Variants in NRXN1 observed in about 807,000 individuals in gnomAD.
The protein encoded by NRXN1 is neurexin 1, also known as neurexin-1.
A neutral mutation model predicts 150.9 loss-of-function variants in NRXN1; 39 were observed. The ratio of observed to expected loss-of-function variants is 0.26; its 90% CI spans 0.20 to 0.34. The LOEUF (loss-of-function observed/expected upper bound fraction) is 0.34, where lower values mean the gene tolerates loss of function less well. NRXN1 is among the 10% of genes least tolerant of loss of function. The pLI, the probability that NRXN1 is intolerant of heterozygous loss-of-function variation, is 1.00. For missense variants in NRXN1, 1,815 were observed against 1,949.9 expected, an observed-to-expected ratio of 0.93 and a Z score of 1.30; for synonymous variants, 924 against 757.0, an observed-to-expected ratio of 1.22 and a Z score of -3.62.
intron 18 of NRXN1, among the ~76,000 whole-genome samples, chr2:50,209,798 G>A (rs1290799606): frequency 1.3e-5 from 2 of 151,858 alleles, no homozygotes; most frequent in African/African-American, 2.4e-5. Context: ...TACACTTGTT[G>A]CAATAAAAAA....
intron 5 of NRXN1, among the ~76,000 whole-genome samples, chr2:50,763,258 A>T (rs1225918859): frequency 2.6e-5 from 4 of 151,636 alleles, no homozygotes; most frequent in Non-Finnish European, 5.9e-5. Context: ...AGTCCCAAAC[A>T]CTCTTTGGAC....
chr2:50,395,005 C>A (rs1161640754), intron 17 of NRXN1, among the ~76,000 whole-genome samples: 1 of 151,846 alleles, frequency 6.6e-6, no homozygotes, highest in Non-Finnish European at 1.5e-5. Flanking sequence ...TCAAAGAAGC[C>A]TCTCATAATT....
chr2:50,910,649 T>C (rs1460506459), intron 5 of NRXN1, among the ~76,000 whole-genome samples: 1 of 151,946 alleles, frequency 6.6e-6, no homozygotes, highest in African/African-American at 2.4e-5. Flanking sequence ...CAACAGTGAC[T>C]GACCAATAAT....
intron 17 of NRXN1, among the ~76,000 whole-genome samples, chr2:50,408,393 C>T (rs2082903686): frequency 6.6e-6 from 1 of 152,140 alleles, no homozygotes; most frequent in African/African-American, 2.4e-5. Context: ...TTCATTTTGC[C>T]AGTGAGGGAA....
chr2:50,614,663 T>TA (rs200940287), intron 8 of NRXN1, among the ~76,000 whole-genome samples: 13,578 of 75,832 alleles, frequency 0.18, 750 homozygotes, highest in Admixed American at 0.22. Flanking sequence ...ATATATAAAA[T>TA]AAAAAAAAAA....
intron 15 of NRXN1, among the ~76,000 whole-genome samples, chr2:50,474,839 C>CCCAAAAAAA (rs1558795095): frequency 2.8e-5 from 3 of 108,848 alleles, no homozygotes; most frequent in Non-Finnish European, 3.7e-5. Context: ...GCCCCCCTAC[C>CCCAAAAAAA]AAAAAAAAAA....
rs796892350 is a variant in NRXN1, at chr2:50,689,854, TTGTGTGTGTGTGTGTG to T, written c.833-66255_833-66240del. Among the ~76,000 whole-genome samples, 33 of 135,342 alleles carry T rather than the reference TTGTGTGTGTGTGTGTG, an allele frequency of 2.4e-4. No individual in the cohort carries two copies. In the East Asian group the frequency reaches 3.1e-3, roughly 13 times the overall value. The allele number at this position is 135,342 out of a possible 152,430, so 88.8% of individuals were successfully genotyped here. ...CATCAGCTTGTTTTTTTTTGCTTAT[TTGTGTGTGTGTGTGTG>T]TGTGTGTGTGTGTGTGTGTGTGTGT... On this transcript the variant is annotated intron_variant, in intron 5 of 22. Coordinates refer to ENST00000401669, the MANE Select transcript of NRXN1 (RefSeq NM_001330078.2).
At chr2:50,786,069 A>G (rs1256647393) in intron 5 of NRXN1, among the ~76,000 whole-genome samples, 2 of 152,110 alleles carry the variant, frequency 1.3e-5, no homozygotes, top group South Asian at 2.1e-4. Flanking sequence ...TGTCAGGATG[A>G]GCAGAATGCA....
chr2:50,676,482 T>C (rs1489019976), intron 5 of NRXN1, among the ~76,000 whole-genome samples: 6 of 152,308 alleles, frequency 3.9e-5, no homozygotes, highest in East Asian at 1.9e-4. Context: ...ATACTAGCTA[T>C]GTGAAATTGG....
intron 22 of NRXN1, among the ~76,000 whole-genome samples, chr2:49,937,419 A>G (rs990861771): frequency 2.6e-5 from 4 of 152,222 alleles, no homozygotes; most frequent in African/African-American, 9.6e-5. Context: ...TTATTCTGAC[A>G]TTACTGCCTT....
chr2:50,222,914 G>C (rs368731073), intron 18 of NRXN1, among the ~76,000 whole-genome samples: 4 of 151,848 alleles, frequency 2.6e-5, no homozygotes, highest in South Asian at 2.1e-4. Flanking sequence ...AAAAAAGTGG[G>C]TATATTATAT....
rs1688018984 is a variant in NRXN1 at position 50,024,644 on chromosome 2, T to C, written c.4128+28627A>G. On this transcript the variant is annotated intron_variant, in intron 21 of 22. Transcript: ENST00000401669. ...TCTTTTTTTTTTTGGAGACGAAGTC[T>C]GGCTCTTTTGCCCAGGCTGGAGTGC... Among the ~76,000 whole-genome samples, 3 of 152,060 alleles carry C rather than the reference T, an allele frequency of 2.0e-5. No homozygotes were observed. The South Asian group carries it at 6.2e-4, about 32-fold the overall frequency.
chr2:50,147,079 T>G (rs1708114083), intron 18 of NRXN1, among the ~76,000 whole-genome samples: 1 of 151,792 alleles, frequency 6.6e-6, no homozygotes, highest in Non-Finnish European at 1.5e-5. Context: ...TGGTGGGTCC[T>G]CTATAATAGT....
chr2:50,621,318 T>C, intron 6 of NRXN1, 69 bp from the exon 7 acceptor site: 1 of 1,200,778 alleles, frequency 8.3e-7, no homozygotes, highest in South Asian at 1.3e-5. Flanking sequence ...ACTTAAAAAA[T>C]ATGATGGTCT....
chr2:50,797,809 T>C (rs1423406491), intron 5 of NRXN1, among the ~76,000 whole-genome samples: 1 of 152,206 alleles, frequency 6.6e-6, no homozygotes, highest in African/African-American at 2.4e-5. Flanking sequence ...TTCCCATTAG[T>C]TCAAATATAT....
At chr2:50,472,018 TCAAAAACAAAAA>T (rs923630012) in intron 16 of NRXN1, among the ~76,000 whole-genome samples, 9 of 148,638 alleles carry the variant, frequency 6.1e-5, no homozygotes, top group Non-Finnish European at 5.9e-5. Flanking sequence ...ACTACATAGC[TCAAAAACAAAAA>T]CAAAAACAAA....
intron 19 of NRXN1, among the ~76,000 whole-genome samples, chr2:50,061,238 T>A (rs1304886219): frequency 1.3e-5 from 2 of 152,222 alleles, no homozygotes; most frequent in Non-Finnish European, 2.9e-5. Context: ...TGTCCATTGT[T>A]CAATATACAT....
At chr2:49,998,269 C>T (rs1028153377) in intron 21 of NRXN1, among the ~76,000 whole-genome samples, 7 of 152,092 alleles carry the variant, frequency 4.6e-5, no homozygotes, top group African/African-American at 1.7e-4. Context: ...AATGATGCCT[C>T]CTAACAGACT....
At chr2:50,930,107 C>A (rs1173753495) in intron 2 of NRXN1, among the ~76,000 whole-genome samples, 4 of 152,178 alleles carry the variant, frequency 2.6e-5, no homozygotes, top group South Asian at 4.1e-4. Flanking sequence ...CTTTTTCAAT[C>A]CCAGCTAAAT....
Sources: allele counts gnomAD v4.1 joint callset (sites outside exome capture counted in the v4.1 genomes callset), GRCh38; gene constraint gnomAD v4.1.1; transcripts MANE v1.5; gene names NCBI Gene and HGNC (gene_info 2026-07-23, HGNC 2026-07-21).